SDF4: variants seen among roughly 807,000 people sequenced by gnomAD.
The protein encoded by SDF4 is 45 kDa calcium-binding protein.
SDF4 carries 22 observed loss-of-function variants against 34.2 expected under a neutral mutation model. The observed-to-expected ratio is 0.64, with a 90% confidence interval of 0.46 to 0.92. The LOEUF (loss-of-function observed/expected upper bound fraction) is 0.92, where lower values mean the gene tolerates loss of function less well. Among genes scored for constraint, SDF4 ranks in the 40% least tolerant of loss-of-function variants. SDF4 has a pLI of 0.00. For synonymous variants in SDF4, 236 were observed against 203.1 expected, an observed-to-expected ratio of 1.16 and a Z score of -1.38; for missense variants, 447 against 499.9, an observed-to-expected ratio of 0.89 and a Z score of 1.01.
chr1:1,219,065 G>T, intron 4 of SDF4, 138 bp from the exon 5 acceptor site: 3 of 1,570,446 alleles, frequency 1.9e-6, no homozygotes, highest in Non-Finnish European at 2.6e-6. Context: ...GGATTCACAC[G>T]TCCCCAGAAC....
At position 1,218,589 on chromosome 1, in the gene SDF4, G is replaced by A. The variant is rs776407939; in HGVS notation, c.760C>T (p.Leu254=). 13 of 1,614,102 alleles carry A rather than the reference G, an allele frequency of 8.1e-6. No homozygotes were observed. Among genetic ancestry groups the A allele is most frequent in the South Asian group, 6.6e-5 (6 of 91,086 alleles). The part of the protein sequence containing the change: ...KQLSVPEFIS[L]PVGTVENQQG... ...TGGTTCTCCACGGTGCCCACGGGCAGGGAGATGAACTCGGGCACAGAGAGC... is the reference window on the plus strand; with the variant it reads ...TGGTTCTCCACGGTGCCCACGGGCAAGGAGATGAACTCGGGCACAGAGAGC... The change falls in exon 6 of 7, where the codon CTG becomes TTG. Residue 254 remains leucine (L), a synonymous_variant. Coordinates refer to ENST00000360001, the MANE Select transcript of SDF4 (RefSeq NM_016176.6). This position sits in a 1 kb window ranked among gnomAD's most constrained non-coding sequence, Gnocchi z 7.9.
intron 4 of SDF4, chr1:1,219,349 C>A: frequency 9.0e-7 from 1 of 1,113,912 alleles, no homozygotes. Flanking sequence ...CCAGACCACC[C>A]CAGGACACAG....
At position 1,228,494 on chromosome 1, in the gene SDF4, CCGGCTCCGCCG is replaced by C. The variant is rs762807774; in HGVS notation, c.268_278del (p.Arg90GlufsTer15). Reference sequence around the variant, plus strand: ...TGGAAAAGATGACCATCAGCTTCCTCCGGCTCCGCCGCGGCTCCGCGTCCTCATCAAAGCCA... The same window carrying C: ...TGGAAAAGATGACCATCAGCTTCCTCCGGCTCCGCGTCCTCATCAAAGCCA... On this transcript the variant is annotated frameshift_variant, in exon 2 of 7. Coordinates refer to ENST00000360001, the MANE Select transcript of SDF4 (RefSeq NM_016176.6). LOFTEE classifies it high-confidence loss of function. 45 of 1,608,504 alleles carry C rather than the reference CCGGCTCCGCCG, an allele frequency of 2.8e-5. No homozygotes were observed. Among genetic ancestry groups the C allele is most frequent in the South Asian group, 3.3e-5 (3 of 90,958 alleles).
Position 1,217,537 on chromosome 1 carries a change from G to T in SDF4, c.1043C>A (p.Ala348Glu), listed in dbSNP as rs113021852. ...FFTGSKLVDY[A>E]RSVHEEF ...TCAAAACTCCTCGTGCACGCTGCGCGCGTAGTCCACCAGCTTGCTGCCCGT... is the reference window on the plus strand; with the variant it reads ...TCAAAACTCCTCGTGCACGCTGCGCTCGTAGTCCACCAGCTTGCTGCCCGT... Residue 348 changes from alanine (A) to glutamate (E), a missense_variant, in exon 7 of 7, where the codon GCG (alanine) becomes GAG (glutamate). Transcript: ENST00000360001. The surrounding 1 kb of genome is among the most constrained non-coding windows in gnomAD (Gnocchi z 8.5). 6.2e-7 allele frequency: 1 copy of T among 1,611,946 alleles called. No homozygotes were observed. The highest frequency in any genetic ancestry group is 1.3e-5 in the African/African-American group (1 of 74,896).
intron 4 of SDF4, 112 bp from the exon 5 acceptor site, chr1:1,219,039 G>A (rs372877844): frequency 5.0e-5 from 80 of 1,600,798 alleles, no homozygotes; most frequent in East Asian, 2.0e-4. Context: ...CCGCGAGACC[G>A]GGGCCCCACC....
intron 4 of SDF4, chr1:1,220,413 CGCAGGAGCCAT>C (rs1461279282): frequency 1.7e-6 from 2 of 1,176,542 alleles, no homozygotes; most frequent in East Asian, 1.2e-4. Context: ...CGGTGACCCT[CGCAGGAGCCAT>C]GCAGGGAGGG....
intron 1 of SDF4, among the ~76,000 whole-genome samples, chr1:1,231,051 G>A (rs1472873100): frequency 2.6e-5 from 4 of 152,220 alleles, no homozygotes; most frequent in African/African-American, 7.2e-5. Context: ...GTGAGACTGC[G>A]TCTCTTTAAA....
Position 1,228,932 on chromosome 1 carries a change from C to T in SDF4, c.-160G>A. ...CCCCAGGACGGCCGCAGGATGGGGA[C>T]AAGCAGCTCACAGTCTGCAGAGAGA... On this transcript the variant is annotated 5_prime_UTR_variant, in exon 2 of 7. Coordinates refer to ENST00000360001, the MANE Select transcript of SDF4 (RefSeq NM_016176.6). 1 of 630,468 alleles carries T rather than the reference C, an allele frequency of 1.6e-6. No individual in the cohort carries two copies. The highest frequency in any genetic ancestry group is 2.0e-5 in the South Asian group (1 of 50,910). 39.1% of individuals were successfully genotyped at this position (630,468 alleles called of 1,614,324 possible). A position where few individuals can be genotyped will look rare whatever the true frequency, so the allele number is the denominator to read the frequency against.
chr1:1,219,076 A>G (rs956016568), intron 4 of SDF4, 149 bp from the exon 5 acceptor site: 55 of 1,557,228 alleles, frequency 3.5e-5, no homozygotes, highest in African/African-American at 1.4e-4. Flanking sequence ...TCCCCAGAAC[A>G]TGGCCCAGCC....
chr1:1,217,975 G>A lies in SDF4; in HGVS notation c.892-287C>T, dbSNP rs964304004. Among the ~76,000 whole-genome samples the A allele has an allele frequency of 2.6e-5, 4 of 152,194 alleles. No homozygotes were observed. The highest frequency in any genetic ancestry group is 1.9e-4 in the East Asian group (1 of 5,176). ...ACCTGGGCCGGGCCCACTGGCTGTCGCCAGGAATCACAGGATTCTACATAA... is the reference window on the plus strand; with the variant it reads ...ACCTGGGCCGGGCCCACTGGCTGTCACCAGGAATCACAGGATTCTACATAA... On this transcript the variant is annotated intron_variant, in intron 6 of 6. Coordinates refer to ENST00000360001, the MANE Select transcript of SDF4 (RefSeq NM_016176.6). This position sits in a 1 kb window ranked among gnomAD's most constrained non-coding sequence, Gnocchi z 8.5.
rs1206277565 is a variant in SDF4, at chr1:1,223,882, G to A, written c.392C>T (p.Ala131Val). 6.2e-7 allele frequency: 1 copy of A among 1,608,644 alleles called. No individual in the cohort carries two copies. The highest frequency in any genetic ancestry group is 1.1e-5 in the South Asian group (1 of 91,032). ...MEKTAEHFQEAMEESKTHFRA... is the reference protein window; with the variant it reads ...MEKTAEHFQEVMEESKTHFRA... Reference sequence around the variant, plus strand: ...GAAGTGTGTCTTGCTCTCCTCCATGGCCTCCTGGAAGTGCTCGGCCGTCTT... The same window carrying A: ...GAAGTGTGTCTTGCTCTCCTCCATGACCTCCTGGAAGTGCTCGGCCGTCTT... Residue 131 changes from alanine (A) to valine (V), a missense_variant, in exon 3 of 7, where the codon GCC becomes GTC. Transcript: ENST00000360001.
At chr1:1,224,236 A>G (rs1244335881) in intron 2 of SDF4, among the ~76,000 whole-genome samples, 1 of 152,100 alleles carries the variant, frequency 6.6e-6, no homozygotes, top group Non-Finnish European at 1.5e-5. Context: ...AATCACCACC[A>G]GACCCCACTC....
chr1:1,226,105 A>G (rs1472428700), intron 2 of SDF4, among the ~76,000 whole-genome samples: 5 of 152,260 alleles, frequency 3.3e-5, no homozygotes, highest in Admixed American at 3.3e-4. Context: ...CCCAGTGCCC[A>G]GACCCTGGCT....
chr1:1,220,825 A>T (rs563080650), intron 4 of SDF4: 1 of 1,140,910 alleles, frequency 8.8e-7, no homozygotes, highest in East Asian at 5.9e-5. Flanking sequence ...TGCCCCAAGC[A>T]CATCGCCAAC....
At chr1:1,222,580 T>C (rs74350546) in intron 4 of SDF4, among the ~76,000 whole-genome samples, 17,791 of 152,274 alleles carry the variant, frequency 0.12, 1,190 homozygotes, top group African/African-American at 0.18. Context: ...AGGCACAGGC[T>C]GTGCCCTCTC....
intron 4 of SDF4, chr1:1,219,639 C>T (rs1649795412): frequency 2.0e-6 from 2 of 986,042 alleles, no homozygotes; most frequent in Non-Finnish European, 2.4e-6. Flanking sequence ...GGCCCCCGCT[C>T]TCCTGCCGTG....
chr1:1,228,325 TG>T, intron 2 of SDF4, 142 bp downstream of exon 2: 1 of 912,248 alleles, frequency 1.1e-6, no homozygotes, highest in Non-Finnish European at 1.6e-6. Context: ...AGGCTGGAAG[TG>T]GCGCTCATCA....
intron 4 of SDF4, chr1:1,219,940 ACGACCGGTTCACTT>A (rs1231570021): frequency 1.0e-6 from 1 of 985,494 alleles, no homozygotes; most frequent in Non-Finnish European, 1.2e-6. Context: ...CTCCATCTAC[ACGACCGGTTCACTT>A]AAAGGAAGAC....
intron 4 of SDF4, among the ~76,000 whole-genome samples, chr1:1,221,822 C>T (rs192600935): frequency 5.3e-5 from 8 of 152,142 alleles, no homozygotes; most frequent in Non-Finnish European, 1.0e-4. Flanking sequence ...TAGCCAGGCG[C>T]GGTGATGGTG....
Sources: allele counts gnomAD v4.1 joint callset (sites outside exome capture counted in the v4.1 genomes callset), GRCh38; gene constraint gnomAD v4.1.1; non-coding constraint Gnocchi (gnomAD v3.1); transcripts MANE v1.5; gene names NCBI Gene and HGNC (gene_info 2026-07-23, HGNC 2026-07-21).